Variants in DLGAP1 observed in about 807,000 individuals in gnomAD.
The protein encoded by DLGAP1 is DLG associated protein 1.
In DLGAP1, 11 loss-of-function variants were observed where a neutral mutation model predicts 90.8. That is an observed-to-expected ratio of 0.12 (90% CI 0.08 to 0.20). DLGAP1 has a LOEUF of 0.20. DLGAP1 is among the 10% of genes least tolerant of loss of function. DLGAP1 has a pLI of 1.00. For synonymous variants in DLGAP1, 558 were observed against 540.7 expected (o/e 1.03, Z -0.44); for missense variants, 1,050 against 1,333.8 (o/e 0.79, Z 3.31).
chr18:4,086,984 T>C (rs1392586188), intron 2 of DLGAP1, among the ~76,000 whole-genome samples: 3 of 150,318 alleles, frequency 2.0e-5, no homozygotes, highest in Non-Finnish European at 4.4e-5. Context: ...AATACTCTTC[T>C]GCATCTTCAT....
Position 4,178,836 on chromosome 18 carries a change from G to T in DLGAP1, c.-266-27549C>A, listed in dbSNP as rs1173798919. ...ACTTTCATATTACATTTTAGAGTAT[G>T]AACATATTGTTATAAAGAGTATGCA... On this transcript the variant is annotated intron_variant, in intron 1 of 12. Coordinates refer to ENST00000315677, the MANE Select transcript of DLGAP1 (RefSeq NM_004746.4). Among the ~76,000 whole-genome samples, 3 of 152,044 alleles carry T rather than the reference G, an allele frequency of 2.0e-5. No individual in the cohort carries two copies. In the East Asian group the frequency reaches 5.8e-4, roughly 29 times the overall value.
chr18:3,655,986 G>A, intron 7 of DLGAP1: 1 of 1,152,820 alleles, frequency 8.7e-7, no homozygotes, highest in Non-Finnish European at 1.2e-6. Flanking sequence ...ATTCGCACAT[G>A]GCGTCAAACA....
chr18:3,873,472 A>G (rs921486533), intron 4 of DLGAP1, among the ~76,000 whole-genome samples: 1 of 152,198 alleles, frequency 6.6e-6, no homozygotes, highest in African/African-American at 2.4e-5. Flanking sequence ...TTTCAGAAAA[A>G]GGCAGCAAAG....
At chr18:3,876,796 T>C (rs1048075052) in intron 4 of DLGAP1, among the ~76,000 whole-genome samples, 5 of 152,196 alleles carry the variant, frequency 3.3e-5, no homozygotes, top group Admixed American at 6.5e-5. Flanking sequence ...AGTTTGAAAA[T>C]AGAATTTCCA....
intron 4 of DLGAP1, among the ~76,000 whole-genome samples, chr18:3,836,666 A>T (rs1023621000): frequency 3.3e-5 from 5 of 152,182 alleles, no homozygotes; most frequent in African/African-American, 1.2e-4. Context: ...ACCTAAAGGC[A>T]TCGCAAGGGT....
At chr18:4,083,059 A>G (rs905694460) in intron 2 of DLGAP1, among the ~76,000 whole-genome samples, 1 of 152,144 alleles carries the variant, frequency 6.6e-6, no homozygotes, top group African/African-American at 2.4e-5. Context: ...TTCAAACTCA[A>G]AAGTCAGAAA....
At chr18:3,751,885 T>TC (rs1568070271) in intron 5 of DLGAP1, among the ~76,000 whole-genome samples, 11 of 127,500 alleles carry the variant, frequency 8.6e-5, no homozygotes, top group African/African-American at 3.1e-4. Flanking sequence ...TTCTTCTTCT[T>TC]TTTTTTTTTT....
intron 7 of DLGAP1, among the ~76,000 whole-genome samples, chr18:3,656,487 G>A (rs1248509280): frequency 6.6e-6 from 1 of 152,174 alleles, no homozygotes; most frequent in Non-Finnish European, 1.5e-5. Flanking sequence ...CTTTGATACT[G>A]TATCTAGAGA....
chr18:4,396,423 T>C (rs938681584), intron 1 of DLGAP1, among the ~76,000 whole-genome samples: 1 of 152,108 alleles, frequency 6.6e-6, no homozygotes, highest in Non-Finnish European at 1.5e-5. Context: ...TTATCCAAAA[T>C]AGCAAAATTA....
chr18:4,037,746 G>A lies in DLGAP1; in HGVS notation c.-158-32545C>T, dbSNP rs142658849. On this transcript the variant is annotated intron_variant, in intron 2 of 12. Coordinates refer to ENST00000315677, the MANE Select transcript of DLGAP1 (RefSeq NM_004746.4). ...AGGCCAGAGTGGGTGGATCACCTGAGGTCAGGAGCTCAAGACCAGCCTGGC... is the reference window on the plus strand; with the variant it reads ...AGGCCAGAGTGGGTGGATCACCTGAAGTCAGGAGCTCAAGACCAGCCTGGC... 2.8e-3 allele frequency among the ~76,000 whole-genome samples: 423 copies of A among 152,260 alleles called. 24 individuals carry two copies. The East Asian group carries it at 0.063, about 23-fold the overall frequency.
rs376107208 is a variant in DLGAP1 at position 3,715,981 on chromosome 18, C to A, written c.1591+13154G>T. On this transcript the variant is annotated intron_variant, in intron 7 of 12. Transcript: ENST00000315677. The stretch of plus-strand genomic sequence containing the variant: ...CTACCAGTATGAGGGTAAAGGAAAG[C>A]AAGGGAAAGAATATTTTTTAAAAAT... 2.6e-5 allele frequency among the ~76,000 whole-genome samples: 4 copies of A among 152,080 alleles called. No individual in the cohort carries two copies. In the East Asian group the frequency reaches 5.8e-4, roughly 22 times the overall value.
intron 8 of DLGAP1, among the ~76,000 whole-genome samples, chr18:3,569,136 A>G (rs2054615057): frequency 6.6e-6 from 1 of 151,256 alleles, no homozygotes; most frequent in Non-Finnish European, 1.5e-5. Context: ...CGAGTAGCTG[A>G]AATTACAGAC....
At chr18:3,938,699 G>A (rs1329456211) in intron 3 of DLGAP1, among the ~76,000 whole-genome samples, 1 of 152,172 alleles carries the variant, frequency 6.6e-6, no homozygotes, top group African/African-American at 2.4e-5. Flanking sequence ...TGGAAGCAAG[G>A]AGAAGTGTGG....
At chr18:4,230,515 T>C (rs1368117293) in intron 1 of DLGAP1, among the ~76,000 whole-genome samples, 1 of 151,888 alleles carries the variant, frequency 6.6e-6, no homozygotes, top group Non-Finnish European at 1.5e-5. Flanking sequence ...TTATGTTAAG[T>C]AAAATATCCT....
intron 11 of DLGAP1, among the ~76,000 whole-genome samples, chr18:3,503,491 A>T (rs1159791575): frequency 1.3e-5 from 2 of 152,074 alleles, no homozygotes; most frequent in Non-Finnish European, 2.9e-5. Flanking sequence ...AAAATATCAT[A>T]CTCTTTGTTA....
At chr18:4,128,629 T>G (rs968959424) in intron 2 of DLGAP1, among the ~76,000 whole-genome samples, 4 of 152,176 alleles carry the variant, frequency 2.6e-5, no homozygotes, top group African/African-American at 9.7e-5. Context: ...GCTAAGTTCC[T>G]ACAGAGAGAC....
chr18:3,633,983 C>G lies in DLGAP1; in HGVS notation c.1592-51735G>C, dbSNP rs1008641778. 2.0e-5 allele frequency among the ~76,000 whole-genome samples: 3 copies of G among 152,022 alleles called. No homozygotes were observed. In the East Asian group the frequency reaches 5.8e-4, roughly 29 times the overall value. On this transcript the variant is annotated intron_variant, in intron 7 of 12. Transcript: ENST00000315677. ...TAGATAGATGCTAAAGATACAATGT[C>G]AAGTAAAAAGAGCAATTTGCCCAGC...
chr18:3,517,191 G>C lies in DLGAP1; in HGVS notation c.2480-8530C>G, dbSNP rs2050894501. Among the ~76,000 whole-genome samples, 1 of 152,180 alleles carries C rather than the reference G, an allele frequency of 6.6e-6. No individual in the cohort carries two copies. The highest frequency in any genetic ancestry group is 1.5e-5 in the Non-Finnish European group (1 of 68,018). On this transcript the variant is annotated intron_variant, in intron 10 of 12. Transcript: ENST00000315677. The surrounding 1 kb of genome is among the most constrained non-coding windows in gnomAD (Gnocchi z 4.1). ...CCGTAGGCTTTTCAGAATGGTAAATGAGCTTTGGCTTCGACTTCAAGTCAC... is the reference window on the plus strand; with the variant it reads ...CCGTAGGCTTTTCAGAATGGTAAATCAGCTTTGGCTTCGACTTCAAGTCAC...
At chr18:3,602,297 A>C (rs1221276011) in intron 7 of DLGAP1, among the ~76,000 whole-genome samples, 1 of 152,018 alleles carries the variant, frequency 6.6e-6, no homozygotes, top group African/African-American at 2.4e-5. Flanking sequence ...GTTTGAATTA[A>C]AGAATAATCT....
Sources: gnomAD v4.1 joint callset for allele counts (sites outside exome capture counted in the v4.1 genomes callset) on GRCh38, gnomAD v4.1.1 for gene constraint, Gnocchi (gnomAD v3.1) non-coding constraint, MANE v1.5 for transcripts, NCBI Gene and HGNC (gene_info 2026-07-23, HGNC 2026-07-21) for gene names.